SLC39A3: variants seen among roughly 807,000 people sequenced by gnomAD.
SLC39A3 encodes zinc transporter ZIP3.
SLC39A3 carries 3 observed loss-of-function variants against 5.1 expected under a neutral mutation model. The observed-to-expected ratio is 0.59, with a 90% CI of 0.27 to 1.54. SLC39A3 has a LOEUF of 1.54. Ranked by LOEUF, SLC39A3 falls within the 40% of genes most tolerant of loss-of-function variation. The pLI is 0.12. For missense variants in SLC39A3, 412 were observed against 436.4 expected (o/e 0.94, Z 0.50); for synonymous variants, 250 against 218.8 (o/e 1.14, Z -1.26).
intron 1 of SLC39A3, among the ~76,000 whole-genome samples, chr19:2,739,157 C>A (rs890669888): frequency 6.6e-6 from 1 of 151,096 alleles, no homozygotes; most frequent in African/African-American, 2.4e-5. Context: ...CTGACTCCTG[C>A]CCTAAACCAT....
rs753221641 is a variant in SLC39A3, at chr19:2,733,518, G to T, written c.211-33C>A. On this transcript the variant is annotated intron_variant, in intron 2 of 2. Coordinates refer to ENST00000269740, the MANE Select transcript of SLC39A3 (RefSeq NM_144564.5). The surrounding 1 kb of genome is among the most constrained non-coding windows in gnomAD (Gnocchi z 6.1). Reference sequence around the variant, plus strand: ...CGGGGACACCCGAGAGAGAGAGAGAGACCCACGCTCAGGGGTGGCGGCGAC... The same window carrying T: ...CGGGGACACCCGAGAGAGAGAGAGATACCCACGCTCAGGGGTGGCGGCGAC... 3.8e-6 allele frequency: 6 copies of T among 1,572,228 alleles called. No individual in the cohort carries two copies. Among genetic ancestry groups the T allele is most frequent in the South Asian group, 1.2e-5 (1 of 86,398 alleles).
rs150805133 is a variant in SLC39A3 at position 2,732,984 on chromosome 19, C to T, written c.712G>A (p.Ala238Thr). ...DAAKLAVTVS[A>T]MIPLGIGLGL... The stretch of plus-strand genomic sequence containing the variant: ...AGGCCGATGCCCAGGGGGATCATGG[C>T]GCTTACGGTGACCGCCAGCTTGGCC... The change falls in exon 3 of 3, where the codon GCC becomes ACC. Residue 238 changes from alanine to threonine, a missense_variant. Ala to Thr is a moderately conservative substitution (Grantham distance 58, BLOSUM62 0). Transcript: ENST00000269740. 54 of 1,600,224 alleles carry T rather than the reference C, an allele frequency of 3.4e-5. No homozygotes were observed. The highest frequency in any genetic ancestry group is 6.8e-5 in the Admixed American group (4 of 59,020).
At chr19:2,736,899 C>A in intron 2 of SLC39A3, 149 bp downstream of exon 2, 1 of 1,526,510 alleles carries the variant, frequency 6.6e-7, no homozygotes, top group South Asian at 1.2e-5. Flanking sequence ...GTAACCAGTT[C>A]ACAATCACAC....
At position 2,733,143 on chromosome 19, in the gene SLC39A3, C is replaced by A; in HGVS notation, c.553G>T (p.Gly185Cys). ...TCCTCCTGCAGGCCCAGGGCCAGGC[C>A]CTCAAAGACCGAGTGGGCCGACAGC... is the stretch of plus-strand genomic sequence containing the variant. ...FALSAHSVFE[G>C]LALGLQEEGE... Residue 185 changes from glycine (G) to cysteine (C), a missense_variant, in exon 3 of 3, where the codon GGC becomes TGC. Physicochemically the swap from Gly to Cys is radical, Grantham distance 159. Coordinates refer to ENST00000269740, the MANE Select transcript of SLC39A3 (RefSeq NM_144564.5). The surrounding 1 kb of genome is among the most constrained non-coding windows in gnomAD (Gnocchi z 6.1). The A allele has an allele frequency of 6.2e-7, 1 of 1,611,102 alleles. No individual in the cohort carries two copies. The highest frequency in any genetic ancestry group is 8.5e-7 in the Non-Finnish European group (1 of 1,179,146).
At chr19:2,738,847 G>C (rs915448908) in intron 1 of SLC39A3, among the ~76,000 whole-genome samples, 1 of 151,912 alleles carries the variant, frequency 6.6e-6, no homozygotes, top group African/African-American at 2.4e-5. Flanking sequence ...TGAGGCAGGA[G>C]AATCACTTGA....
intron 1 of SLC39A3, among the ~76,000 whole-genome samples, chr19:2,738,418 CCT>C (rs1914445623): frequency 1.3e-5 from 2 of 152,158 alleles, no homozygotes; most frequent in African/African-American, 2.4e-5. Flanking sequence ...AACTCTGTAC[CCT>C]GAGGCTGAAG....
intron 1 of SLC39A3, among the ~76,000 whole-genome samples, chr19:2,739,689 C>T (rs139702215): frequency 6.6e-6 from 1 of 152,192 alleles, no homozygotes; most frequent in African/African-American, 2.4e-5. Context: ...ACCTGTCCGG[C>T]ATCTGGATAC....
In SLC39A3 at chr19:2,732,856, C is replaced by T; in HGVS notation, c.840G>A (p.Glu280=). ...TCTCCTCCAGCTCCTTGGCCAGGAT[C>T]TCCAGGAAGGTGATGAAGAGGAAGG... ...GGTFLFITFL[E]ILAKELEEKS... Residue 280 remains glutamate (E), a synonymous_variant, in exon 3 of 3, where the codon GAG becomes GAA. Coordinates refer to ENST00000269740, the MANE Select transcript of SLC39A3 (RefSeq NM_144564.5). 6.2e-7 allele frequency: 1 copy of T among 1,612,046 alleles called. No homozygotes were observed. Among genetic ancestry groups the T allele is most frequent in the South Asian group, 1.1e-5 (1 of 91,038 alleles).
rs2144698641 is a variant in SLC39A3, at chr19:2,736,667, G to A, written c.210+381C>T. The stretch of plus-strand genomic sequence containing the variant: ...AGAAACTGTGAGATGATAAACGTCT[G>A]TAGTCCTAAGGTGCTCAGTTTGCTA... On this transcript the variant is annotated intron_variant, in intron 2 of 2. Coordinates refer to ENST00000269740, the MANE Select transcript of SLC39A3 (RefSeq NM_144564.5). The A allele has an allele frequency of 7.3e-6, 9 of 1,232,364 alleles. No individual in the cohort carries two copies. In the South Asian group the frequency reaches 9.2e-5, roughly 13 times the overall value. 76.3% of individuals were successfully genotyped at this position (1,232,364 alleles called of 1,614,324 possible).
rs1186079783 is a variant in SLC39A3 at position 2,737,353 on chromosome 19, T to C, written c.-96A>G. On this transcript the variant is annotated 5_prime_UTR_variant, in exon 2 of 3. Transcript: ENST00000269740. ...TGTGCTACCGAGCCCAACCACACAG[T>C]TGGAGGCTCATGTCTCAGTCCAGCA... 2.7e-6 allele frequency: 4 copies of C among 1,493,168 alleles called. No homozygotes were observed. The African/African-American group carries it at 4.2e-5, about 16-fold the overall frequency. 92.5% of individuals were successfully genotyped at this position (1,493,168 alleles called of 1,614,324 possible). A position where few individuals can be genotyped will look rare whatever the true frequency, so the allele number is the denominator to read the frequency against.
At position 2,732,570 on chromosome 19, in the gene SLC39A3, T is replaced by C; in HGVS notation, c.*181A>G. ...AAAGAAGTATTTTAAAAAGTAGCAG[T>C]GCTCTGAGGCTCAGGGTGTAGGATC... On this transcript the variant is annotated 3_prime_UTR_variant, in exon 3 of 3. Coordinates refer to ENST00000269740, the MANE Select transcript of SLC39A3 (RefSeq NM_144564.5). The C allele has an allele frequency of 7.0e-7, 1 of 1,427,616 alleles. No homozygotes were observed. Among genetic ancestry groups the C allele is most frequent in the Non-Finnish European group, 9.1e-7 (1 of 1,095,570 alleles). 88.4% of individuals were successfully genotyped at this position (1,427,616 alleles called of 1,614,324 possible).
Position 2,732,960 on chromosome 19 carries a change from G to A in SLC39A3, c.736C>T (p.Leu246=). Residue 246 remains leucine, a synonymous_variant, in exon 3 of 3, where the codon CTG becomes TTG. Transcript: ENST00000269740. The part of the protein sequence containing the change: ...VSAMIPLGIG[L]GLGIESAQGV... ...TGGGCGCTCTCAATGCCCAGGCCCA[G>A]GCCGATGCCCAGGGGGATCATGGCG... 6.2e-7 allele frequency: 1 copy of A among 1,605,478 alleles called. No individual in the cohort carries two copies. Among genetic ancestry groups the A allele is most frequent in the Non-Finnish European group, 8.5e-7 (1 of 1,175,508 alleles).
In SLC39A3 at chr19:2,734,551, C is replaced by G. The variant is rs1226825142; in HGVS notation, c.211-1066G>C. On this transcript the variant is annotated intron_variant, in intron 2 of 2. Coordinates refer to ENST00000269740, the MANE Select transcript of SLC39A3 (RefSeq NM_144564.5). This position sits in a 1 kb window ranked among gnomAD's most constrained non-coding sequence, Gnocchi z 4.6. ...TGTCTGGAAACATTTTTTATTTTCA[C>G]AACTCGGGTAGGGGGAAGGTGCTGA... The G allele has an allele frequency of 5.6e-6, 1 of 177,086 alleles. No homozygotes were observed. The allele number at this position is 177,086 out of a possible 1,614,324, so 11.0% of individuals were successfully genotyped here.
intron 1 of SLC39A3, among the ~76,000 whole-genome samples, chr19:2,739,630 C>G (rs543299001): frequency 2.6e-5 from 4 of 152,312 alleles, no homozygotes; most frequent in Admixed American, 1.3e-4. Flanking sequence ...TCAGGGCCAG[C>G]TGCACCCAGC....
rs778071782 is a variant in SLC39A3, at chr19:2,733,259, A to G, written c.437T>C (p.Leu146Pro). The G allele has an allele frequency of 4.3e-6, 7 of 1,611,704 alleles. No individual in the cohort carries two copies. In the South Asian group the frequency reaches 6.6e-5, roughly 15 times the overall value. ...PFMGGARGHALYVEPHGHGPS... is the reference protein window; with the variant it reads ...PFMGGARGHAPYVEPHGHGPS... ...GCCGTGGCCGTGGGGCTCCACGTAC[A>G]GCGCGTGGCCCCGCGCGCCCCCCAT... is the stretch of plus-strand genomic sequence containing the variant. The change falls in exon 3 of 3, where the codon CTG (leucine) becomes CCG (proline). Residue 146 changes from leucine to proline, a missense_variant. Coordinates refer to ENST00000269740, the MANE Select transcript of SLC39A3 (RefSeq NM_144564.5). The surrounding 1 kb of genome is among the most constrained non-coding windows in gnomAD (Gnocchi z 6.1).
chr19:2,738,362 G>A (rs1914443338), intron 1 of SLC39A3, among the ~76,000 whole-genome samples: 2 of 152,070 alleles, frequency 1.3e-5, no homozygotes, highest in Admixed American at 1.3e-4. Flanking sequence ...ACATGCTATT[G>A]GATGGTGGTG....
rs1302707226 is a variant in SLC39A3 at position 2,737,312 on chromosome 19, C to A, written c.-55G>T. ...CAGGGCCAAACCATCTGTGGGCGCA[C>A]ACCCAAGTCCCACGATGTGCTACCG... On this transcript the variant is annotated 5_prime_UTR_variant, in exon 2 of 3. Coordinates refer to ENST00000269740, the MANE Select transcript of SLC39A3 (RefSeq NM_144564.5). 21 of 1,532,528 alleles carry A rather than the reference C, an allele frequency of 1.4e-5. No homozygotes were observed. Among genetic ancestry groups the A allele is most frequent in the Non-Finnish European group, 1.8e-5 (21 of 1,135,342 alleles). 94.9% of individuals were successfully genotyped at this position (1,532,528 alleles called of 1,614,324 possible). A position where few individuals can be genotyped will look rare whatever the true frequency, so the allele number is the denominator to read the frequency against.
chr19:2,738,699 C>G (rs905585830), intron 1 of SLC39A3, among the ~76,000 whole-genome samples: 1 of 151,910 alleles, frequency 6.6e-6, no homozygotes, highest in Non-Finnish European at 1.5e-5. Context: ...CACCTGAGGT[C>G]GAGAGTTCGA....
chr19:2,733,408 G>A lies in SLC39A3; in HGVS notation c.288C>T (p.Phe96=). ...LAETILLLGF[F]MTVFLEQLIL... ...TCAGCTGCTCCAGGAAGACGGTCAT[G>A]AAGAAGCCCAGCAGGAGGATGGTTT... The change falls in exon 3 of 3, where the codon TTC becomes TTT. Residue 96 remains phenylalanine (F), a synonymous_variant. Coordinates refer to ENST00000269740, the MANE Select transcript of SLC39A3 (RefSeq NM_144564.5). This position sits in a 1 kb window ranked among gnomAD's most constrained non-coding sequence, Gnocchi z 6.1. The A allele has an allele frequency of 6.2e-7, 1 of 1,613,112 alleles. No homozygotes were observed. Among genetic ancestry groups the A allele is most frequent in the South Asian group, 1.1e-5 (1 of 91,088 alleles).
Sources: allele counts gnomAD v4.1 joint callset (sites outside exome capture counted in the v4.1 genomes callset), GRCh38; gene constraint gnomAD v4.1.1; non-coding constraint Gnocchi (gnomAD v3.1); transcripts MANE v1.5; gene names NCBI Gene and HGNC (gene_info 2026-07-23, HGNC 2026-07-21).